ZSCAN29: variants seen among roughly 807,000 people sequenced by gnomAD.
ZSCAN29 encodes zinc finger and SCAN domain containing 29, also known as zinc finger and SCAN domain-containing protein 29.
Under a neutral mutation model 71.9 loss-of-function variants are expected in ZSCAN29, and 55 were observed. That is an observed-to-expected ratio of 0.76 (90% CI 0.62 to 0.96). The LOEUF (loss-of-function observed/expected upper bound fraction) is 0.96. Ranked by LOEUF, ZSCAN29 falls within the 40% of genes least tolerant of loss-of-function variation. The pLI is 0.00. For synonymous variants in ZSCAN29, 351 were observed against 371.6 expected, an observed-to-expected ratio of 0.94 and a Z score of 0.64; for missense variants, 1,042 against 1,042.2, an observed-to-expected ratio of 1.00 and a Z score of 0.00.
At chr15:43,367,112 T>C (rs1246477570) in intron 3 of ZSCAN29, among the ~76,000 whole-genome samples, 3 of 152,212 alleles carry the variant, frequency 2.0e-5, no homozygotes, top group Non-Finnish European at 4.4e-5. Context: ...CTGGGAATAA[T>C]TGTTCTTCAC....
In ZSCAN29 at chr15:43,366,392, T is replaced by C; in HGVS notation, c.940A>G (p.Ser314Gly). ...GLQKSYRKVK[S>G]GHPPETCPFF... is the part of the protein sequence containing the mutation. ...GGGCAGGTCTCAGGTGGGTGGCCGC[T>C]CTTGACTTTCCGATAGCTCTTCTGG... The change falls in exon 4 of 6, where the codon AGC (serine) becomes GGC (glycine). Residue 314 changes from serine (S) to glycine (G), a missense_variant. Transcript: ENST00000684362. The C allele has an allele frequency of 1.9e-6, 3 of 1,614,048 alleles. No homozygotes were observed. Among genetic ancestry groups the C allele is most frequent in the Non-Finnish European group, 2.5e-6 (3 of 1,180,020 alleles).
Position 43,369,761 on chromosome 15 carries a change from C to A in ZSCAN29, c.153G>T (p.Val51=), listed in dbSNP as rs1286500683. 6.2e-7 allele frequency: 1 copy of A among 1,614,264 alleles called. No homozygotes were observed. Residue 51 remains valine (V), a synonymous_variant, in exon 2 of 6, where the codon GTG becomes GTT. Transcript: ENST00000684362. The part of the protein sequence containing the change: ...ELCCRWLRPE[V]RTKEQIVELL... Reference sequence around the variant, plus strand: ...GTTCTACAATCTGCTCCTTGGTGCGCACCTCCGGCCTTAGCCACCGACAGC... The same window carrying A: ...GTTCTACAATCTGCTCCTTGGTGCGAACCTCCGGCCTTAGCCACCGACAGC...
At chr15:43,368,358 T>C (rs1463419287) in intron 3 of ZSCAN29, among the ~76,000 whole-genome samples, 1 of 95,540 alleles carries the variant, frequency 1.0e-5, no homozygotes, top group East Asian at 2.8e-4. Flanking sequence ...ACCCCGTCTC[T>C]ACTAAAAATA....
chr15:43,364,161 C>G lies in ZSCAN29; in HGVS notation c.1444G>C (p.Glu482Gln), dbSNP rs2044012445. ...YRKVKNGQAP[E>Q]TCPFFEEMDA... is the part of the protein sequence containing the mutation. Reference sequence around the variant, plus strand: ...ATCTCTTCAAAGAAGGGACAGGTCTCTGGTGCCTGGCCATTCTTAACTTTC... The same window carrying G: ...ATCTCTTCAAAGAAGGGACAGGTCTGTGGTGCCTGGCCATTCTTAACTTTC... Residue 482 changes from glutamate (E) to glutamine (Q), a missense_variant, in exon 5 of 6, where the codon GAG becomes CAG. Glu to Gln is a conservative substitution (Grantham distance 29). Transcript: ENST00000684362. 1 of 1,614,208 alleles carries G rather than the reference C, an allele frequency of 6.2e-7. No homozygotes were observed. Among genetic ancestry groups the G allele is most frequent in the South Asian group, 1.1e-5 (1 of 91,090 alleles).
Position 43,366,635 on chromosome 15 carries a change from G to T in ZSCAN29, c.697C>A (p.Gln233Lys). The T allele has an allele frequency of 6.2e-7, 1 of 1,614,222 alleles. No individual in the cohort carries two copies. The highest frequency in any genetic ancestry group is 8.5e-7 in the Non-Finnish European group (1 of 1,180,048). ...SKKDRRSWVE[Q>K]DHWSFEDEKV... ...TCATCTTCAAAGCTCCAGTGATCCT[G>T]TTCCACCCAGCTTCTTCTATCTTTC... Residue 233 changes from glutamine to lysine, a missense_variant, in exon 4 of 6, where the codon CAG becomes AAG. By Grantham distance (53) the Gln-to-Lys change is moderately conservative (BLOSUM62 1). Coordinates refer to ENST00000684362, the MANE Select transcript of ZSCAN29 (RefSeq NM_001372080.1).
Position 43,370,967 on chromosome 15 carries a change from C to CGACCCT in ZSCAN29, c.-528_-523dup, listed in dbSNP as rs1250064400. 1 of 269,272 alleles carries CGACCCT rather than the reference C, an allele frequency of 3.7e-6. No individual in the cohort carries two copies. The highest frequency in any genetic ancestry group is 6.9e-6 in the Non-Finnish European group (1 of 145,548). 16.7% of individuals were successfully genotyped at this position (269,272 alleles called of 1,614,324 possible). ...GGGCCAGCCTCACCCACTCGGGGTC[C>CGACCCT]GACCCTGACCCCGGCCCCGGCCCCG... On this transcript the variant is annotated 5_prime_UTR_variant, in exon 1 of 6. Coordinates refer to ENST00000684362, the MANE Select transcript of ZSCAN29 (RefSeq NM_001372080.1).
rs1421562545 is a variant in ZSCAN29, at chr15:43,358,303, T to G, written c.*2770A>C. 2 of 152,540 alleles carry G rather than the reference T, an allele frequency of 1.3e-5. No homozygotes were observed. Among genetic ancestry groups the G allele is most frequent in the Non-Finnish European group, 2.9e-5 (2 of 68,040 alleles). The allele number at this position is 152,540 out of a possible 1,614,324, so 9.4% of individuals were successfully genotyped here. ...AGACATCTGGAACCAGAATATCTGT[T>G]GATACCACAACCAATGCTTTTCCCA... On this transcript the variant is annotated 3_prime_UTR_variant, in exon 6 of 6. Coordinates refer to ENST00000684362, the MANE Select transcript of ZSCAN29 (RefSeq NM_001372080.1).
rs766743066 is a variant in ZSCAN29 at position 43,366,367 on chromosome 15, G to A, written c.965C>T (p.Pro322Leu). ...CAGGGCTTCCATCTCTTCAAAGAAG[G>A]GGCAGGTCTCAGGTGGGTGGCCGCT... ...VKSGHPPETC[P>L]FFEEMEALMS... is the part of the protein sequence containing the mutation. Residue 322 changes from proline to leucine, a missense_variant, in exon 4 of 6, where the codon CCC (proline) becomes CTC (leucine). Coordinates refer to ENST00000684362, the MANE Select transcript of ZSCAN29 (RefSeq NM_001372080.1). 1 of 1,613,978 alleles carries A rather than the reference G, an allele frequency of 6.2e-7. No homozygotes were observed. The highest frequency in any genetic ancestry group is 1.1e-5 in the South Asian group (1 of 91,066).
At chr15:43,368,386 C>A (rs1431698455) in intron 3 of ZSCAN29, among the ~76,000 whole-genome samples, 2 of 95,080 alleles carry the variant, frequency 2.1e-5, no homozygotes, top group Admixed American at 1.8e-4. Flanking sequence ...ATTAGCCGGG[C>A]GTAGTGGCGG....
chr15:43,366,266 C>G lies in ZSCAN29; in HGVS notation c.1066G>C (p.Asp356His). The change falls in exon 4 of 6, where the codon GAT becomes CAT. Residue 356 changes from aspartate to histidine, a missense_variant. By Grantham distance (81) the Asp-to-His change is moderately conservative. Transcript: ENST00000684362. ...AASHSGLVGS[D>H]AETEEPGQRG... ...TGCCCTGGCTCTTCAGTCTCAGCAT[C>G]GCTGCCTACCAGGCCAGAGTGAGAG... 2 of 1,613,446 alleles carry G rather than the reference C, an allele frequency of 1.2e-6. No homozygotes were observed. The highest frequency in any genetic ancestry group is 1.7e-6 in the Non-Finnish European group (2 of 1,180,022).
Position 43,359,417 on chromosome 15 carries a change from G to A in ZSCAN29, c.*1656C>T, listed in dbSNP as rs916628081. ...GTTAATACTATTGTATTATAAAGAT[G>A]AGTAATTATATTTGCATTTAAAGAA... On this transcript the variant is annotated 3_prime_UTR_variant, in exon 6 of 6. Coordinates refer to ENST00000684362, the MANE Select transcript of ZSCAN29 (RefSeq NM_001372080.1). The A allele has an allele frequency of 3.3e-5, 5 of 152,218 alleles. No homozygotes were observed. The highest frequency in any genetic ancestry group is 7.3e-5 in the Non-Finnish European group (5 of 68,036). The allele number at this position is 152,218 out of a possible 1,614,324, so 9.4% of individuals were successfully genotyped here. A position where few individuals can be genotyped will look rare whatever the true frequency, so the allele number is the denominator to read the frequency against.
rs2044037892 is a variant in ZSCAN29, at chr15:43,366,395, T to G, written c.937A>C (p.Lys313Gln). The G allele has an allele frequency of 6.2e-7, 1 of 1,614,166 alleles. No individual in the cohort carries two copies. The highest frequency in any genetic ancestry group is 8.5e-7 in the Non-Finnish European group (1 of 1,180,038). The change falls in exon 4 of 6, where the codon AAG (lysine) becomes CAG (glutamine). Residue 313 changes from lysine to glutamine, a missense_variant. By Grantham distance (53) the Lys-to-Gln change is moderately conservative (BLOSUM62 1). Transcript: ENST00000684362. ...CAGGTCTCAGGTGGGTGGCCGCTCT[T>G]GACTTTCCGATAGCTCTTCTGGAGA... is the stretch of plus-strand genomic sequence containing the variant. Reference protein sequence around the residue: ...KGLQKSYRKVKSGHPPETCPF... With the variant: ...KGLQKSYRKVQSGHPPETCPF...
At position 43,366,592 on chromosome 15, in the gene ZSCAN29, T is replaced by G. The variant is rs2044041461; in HGVS notation, c.740A>C (p.His247Pro). 1 of 1,614,144 alleles carries G rather than the reference T, an allele frequency of 6.2e-7. No homozygotes were observed. Among genetic ancestry groups the G allele is most frequent in the Non-Finnish European group, 8.5e-7 (1 of 1,180,056 alleles). Residue 247 changes from histidine (H) to proline (P), a missense_variant, in exon 4 of 6, where the codon CAC becomes CCC. Physicochemically the swap from His to Pro is moderately conservative, Grantham distance 77. Coordinates refer to ENST00000684362, the MANE Select transcript of ZSCAN29 (RefSeq NM_001372080.1). ...SFEDEKVAGV[H>P]WGYEETRTLL... is the part of the protein sequence containing the mutation. ...CGTTCTGGTCTCTTCATAGCCCCAGTGCACACCTGCCACCTTCTCATCTTC... is the reference window on the plus strand; with the variant it reads ...CGTTCTGGTCTCTTCATAGCCCCAGGGCACACCTGCCACCTTCTCATCTTC...
Position 43,360,309 on chromosome 15 carries a change from A to G in ZSCAN29, c.*764T>C, listed in dbSNP as rs1285767787. The G allele has an allele frequency of 6.7e-6, 1 of 148,688 alleles. No homozygotes were observed. The highest frequency in any genetic ancestry group is 1.5e-5 in the Non-Finnish European group (1 of 67,836). The allele number at this position is 148,688 out of a possible 1,614,324, so 9.2% of individuals were successfully genotyped here. A position where few individuals can be genotyped will look rare whatever the true frequency, so the allele number is the denominator to read the frequency against. ...CAGTGAGCTGAGATCATGCCACTGC[A>G]CTCCAGCCTGGACGACAGAGTGAGA... On this transcript the variant is annotated 3_prime_UTR_variant, in exon 6 of 6. Coordinates refer to ENST00000684362, the MANE Select transcript of ZSCAN29 (RefSeq NM_001372080.1).
Position 43,363,982 on chromosome 15 carries a change from TTCA to T in ZSCAN29, c.1620_1622del (p.Asp540del), listed in dbSNP as rs2044009492. 3.1e-6 allele frequency: 5 copies of T among 1,613,858 alleles called. No individual in the cohort carries two copies. The highest frequency in any genetic ancestry group is 4.2e-6 in the Non-Finnish European group (5 of 1,179,994). ...CCCCTGGGGGTATCTCAGTATCCTC[TTCA>T]TCATCATCAGAATCTTCCTCTGTGG... is the stretch of plus-strand genomic sequence containing the variant. On this transcript the variant is annotated inframe_deletion, in exon 5 of 6. Transcript: ENST00000684362.
chr15:43,365,272 A>G (rs574192711), intron 4 of ZSCAN29, among the ~76,000 whole-genome samples: 15 of 152,328 alleles, frequency 9.8e-5, no homozygotes, highest in African/African-American at 3.4e-4. Flanking sequence ...TTAGAATCTA[A>G]GCCTCCTGAG....
Position 43,369,518 on chromosome 15 carries a change from T to G in ZSCAN29, c.318+78A>C, listed in dbSNP as rs1453667901. ...CTCACCAAGGGAGACTGTGTCCCTC[T>G]TTAAGCCTGTCTATATCTTAATTTA... is the stretch of plus-strand genomic sequence containing the variant. On this transcript the variant is annotated intron_variant, in intron 2 of 5. Coordinates refer to ENST00000684362, the MANE Select transcript of ZSCAN29 (RefSeq NM_001372080.1). 2.0e-6 allele frequency: 3 copies of G among 1,477,482 alleles called. No individual in the cohort carries two copies. The Admixed American group carries it at 5.8e-5, about 29-fold the overall frequency. The allele number at this position is 1,477,482 out of a possible 1,614,324, so 91.5% of individuals were successfully genotyped here. A position where few individuals can be genotyped will look rare whatever the true frequency, so the allele number is the denominator to read the frequency against.
At position 43,368,357 on chromosome 15, in the gene ZSCAN29, C is replaced by G. The variant is rs1298659432; in HGVS notation, c.523+566G>C. ...CGGCTAAAACGGTGAAACCCCGTCT[C>G]TACTAAAAATACAAAAAAATTAGCC... On this transcript the variant is annotated intron_variant, in intron 3 of 5. Coordinates refer to ENST00000684362, the MANE Select transcript of ZSCAN29 (RefSeq NM_001372080.1). 2.6e-5 allele frequency among the ~76,000 whole-genome samples: 2 copies of G among 77,618 alleles called. 1 individual carries two copies. The highest frequency in any genetic ancestry group is 4.2e-5 in the Non-Finnish European group (2 of 47,254). 50.9% of individuals were successfully genotyped at this position (77,618 alleles called of 152,430 possible).
In ZSCAN29 at chr15:43,369,863, G is replaced by T. The variant is rs577380357; in HGVS notation, c.51C>A (p.Phe17Leu). The T allele has an allele frequency of 6.2e-7, 1 of 1,612,798 alleles. No homozygotes were observed. Among genetic ancestry groups the T allele is most frequent in the South Asian group, 1.1e-5 (1 of 91,082 alleles). The change falls in exon 2 of 6, where the codon TTC becomes TTA. Residue 17 changes from phenylalanine (F) to leucine (L), a missense_variant. By Grantham distance (22) the Phe-to-Leu change is conservative. Transcript: ENST00000684362. ...AATGGAATCTCCTGAAACGCTGTCG[G>T]AAGGTCTCAGAGTTAGTGCCATTCT... ...LRENGTNSET[F>L]RQRFRRFHYQ... is the part of the protein sequence containing the mutation.
Sources: gnomAD v4.1 joint callset for allele counts (sites outside exome capture counted in the v4.1 genomes callset) on GRCh38, gnomAD v4.1.1 for gene constraint, MANE v1.5 for transcripts, NCBI Gene and HGNC (gene_info 2026-07-23, HGNC 2026-07-21) for gene names.